Variants in ERCC6L2 observed in about 807,000 individuals in gnomAD.
The protein encoded by ERCC6L2 is ERCC excision repair 6 like 2.
In ERCC6L2, 77 loss-of-function variants were observed where a neutral mutation model predicts 132.0. The ratio of observed to expected loss-of-function variants is 0.58; its 90% CI spans 0.49 to 0.71. The LOEUF (loss-of-function observed/expected upper bound fraction) is 0.71, where lower values mean the gene tolerates loss of function less well. ERCC6L2 is among the 30% of genes least tolerant of loss of function. ERCC6L2 has a pLI of 0.00. For missense variants in ERCC6L2, 1,542 were observed against 1,837.6 expected, an observed-to-expected ratio of 0.84 and a Z score of 2.94; for synonymous variants, 583 against 632.4, an observed-to-expected ratio of 0.92 and a Z score of 1.17.
At chr9:95,911,697 C>T (rs914209678) in intron 4 of ERCC6L2, among the ~76,000 whole-genome samples, 9 of 152,060 alleles carry the variant, frequency 5.9e-5, no homozygotes, top group Non-Finnish European at 1.0e-4. Flanking sequence ...AGGGGATGAA[C>T]GTGCTATGAA....
At chr9:95,999,146 G>A (rs554808831) in intron 17 of ERCC6L2, among the ~76,000 whole-genome samples, 1 of 152,144 alleles carries the variant, frequency 6.6e-6, no homozygotes, top group Non-Finnish European at 1.5e-5. Flanking sequence ...AGATCACGAA[G>A]TCAGGAGATC....
chr9:95,919,910 T>C (rs1457054691), intron 6 of ERCC6L2, among the ~76,000 whole-genome samples: 11 of 152,188 alleles, frequency 7.2e-5, no homozygotes, highest in African/African-American at 2.7e-4. Context: ...TGCAGATAAG[T>C]GCTTTCAAAC....
intron 4 of ERCC6L2, among the ~76,000 whole-genome samples, chr9:95,907,802 T>C (rs1270863105): frequency 1.3e-5 from 1 of 74,240 alleles, no homozygotes; most frequent in Non-Finnish European, 2.8e-5. Flanking sequence ...TGGGAGTCTG[T>C]TGTGAATATA....
At chr9:95,976,810 G>A (rs1038205906) in intron 16 of ERCC6L2, among the ~76,000 whole-genome samples, 2 of 152,150 alleles carry the variant, frequency 1.3e-5, no homozygotes, top group African/African-American at 4.8e-5. Flanking sequence ...ACAAGTGTCT[G>A]ACTTATTCCC....
intron 2 of ERCC6L2, among the ~76,000 whole-genome samples, chr9:95,890,392 A>G (rs1482710191): frequency 2.0e-5 from 3 of 152,184 alleles, no homozygotes; most frequent in Non-Finnish European, 4.4e-5. Flanking sequence ...AAATATTAAA[A>G]TTTATAGAAA....
intron 19 of ERCC6L2, among the ~76,000 whole-genome samples, chr9:96,037,936 C>T (rs1834538354): frequency 6.6e-6 from 1 of 151,578 alleles, no homozygotes; most frequent in Non-Finnish European, 1.5e-5. Flanking sequence ...TGGATTTGGC[C>T]ATGTGGTGGC....
chr9:95,899,834 T>C (rs1828677506), intron 3 of ERCC6L2, among the ~76,000 whole-genome samples: 1 of 152,164 alleles, frequency 6.6e-6, no homozygotes, highest in East Asian at 1.9e-4. Context: ...CTTAGTGCAA[T>C]GTAAAGTCTA....
chr9:95,923,291 T>G lies in ERCC6L2; in HGVS notation c.1445T>G (p.Val482Gly). Reference protein sequence around the residue: ...ETLIKRICDQVFSRFPDFVQK... With the variant: ...ETLIKRICDQGFSRFPDFVQK... Reference sequence around the variant, plus strand: ...CTTATCAAAAGGATATGTGATCAGGTATTTTCCAGATTCCCAGATTTTGTG... The same window carrying G: ...CTTATCAAAAGGATATGTGATCAGGGATTTTCCAGATTCCCAGATTTTGTG... The change falls in exon 9 of 19, where the codon GTA becomes GGA. Residue 482 changes from valine to glycine, a missense_variant. By Grantham distance (109) the Val-to-Gly change is moderately radical. Coordinates refer to ENST00000653738, the MANE Select transcript of ERCC6L2 (RefSeq NM_020207.7). 1 of 1,613,864 alleles carries G rather than the reference T, an allele frequency of 6.2e-7. No individual in the cohort carries two copies. Among genetic ancestry groups the G allele is most frequent in the Non-Finnish European group, 8.5e-7 (1 of 1,179,844 alleles).
At chr9:96,000,021 T>C (rs960564198) in intron 17 of ERCC6L2, among the ~76,000 whole-genome samples, 23 of 151,898 alleles carry the variant, frequency 1.5e-4, no homozygotes, top group African/African-American at 4.6e-4. Context: ...CCCGAGTAGC[T>C]GGGATTACAG....
intron 2 of ERCC6L2, among the ~76,000 whole-genome samples, chr9:95,882,460 A>C (rs1008568183): frequency 6.6e-6 from 1 of 152,214 alleles, no homozygotes; most frequent in African/African-American, 2.4e-5. Flanking sequence ...ATTTTATACT[A>C]AACGATCACT....
intron 4 of ERCC6L2, among the ~76,000 whole-genome samples, chr9:95,911,217 A>G (rs2132681826): frequency 6.6e-6 from 1 of 152,272 alleles, no homozygotes; most frequent in Middle Eastern, 3.4e-3. Context: ...TTTAACCAAT[A>G]TACTGTACCA....
At chr9:95,922,485 A>G in intron 8 of ERCC6L2, 67 bp downstream of exon 8, 1 of 939,086 alleles carries the variant, frequency 1.1e-6, no homozygotes, top group Non-Finnish European at 1.6e-6. Flanking sequence ...GTTTTAAAAT[A>G]GTTATTAAAT....
intron 13 of ERCC6L2, among the ~76,000 whole-genome samples, chr9:95,956,264 A>G (rs1287886512): frequency 6.6e-6 from 1 of 152,172 alleles, no homozygotes; most frequent in African/African-American, 2.4e-5. Context: ...GGATCTTGTC[A>G]AAATACTGAT....
chr9:95,878,953 C>T (rs62559052), intron 1 of ERCC6L2, among the ~76,000 whole-genome samples: 13 of 152,030 alleles, frequency 8.6e-5, no homozygotes, highest in Non-Finnish European at 1.5e-4. Flanking sequence ...TGAATAGTGC[C>T]GCAATAAACA....
chr9:96,033,592 T>A (rs1834487835), intron 19 of ERCC6L2, among the ~76,000 whole-genome samples: 1 of 152,148 alleles, frequency 6.6e-6, no homozygotes, highest in Non-Finnish European at 1.5e-5. Flanking sequence ...ATAACAGAGG[T>A]TTTTTGCTGT....
chr9:95,902,023 T>C (rs1400647406), intron 3 of ERCC6L2, among the ~76,000 whole-genome samples: 1 of 152,216 alleles, frequency 6.6e-6, no homozygotes, highest in African/African-American at 2.4e-5. Flanking sequence ...AAATTAATGT[T>C]GAAGCTTGTT....
At chr9:95,960,134 T>A (rs1349623470) in intron 13 of ERCC6L2, among the ~76,000 whole-genome samples, 2 of 151,992 alleles carry the variant, frequency 1.3e-5, no homozygotes, top group Non-Finnish European at 2.9e-5. Context: ...AAGACAGAGC[T>A]CCAAATTTTT....
chr9:95,932,671 T>A (rs932414871), intron 11 of ERCC6L2, among the ~76,000 whole-genome samples: 11 of 152,174 alleles, frequency 7.2e-5, no homozygotes, highest in African/African-American at 2.7e-4. Context: ...GATACTTCGT[T>A]TGACCTTTTA....
At chr9:95,970,546 T>C in intron 14 of ERCC6L2, 30 bp from the exon 15 acceptor site, 1 of 1,270,376 alleles carries the variant, frequency 7.9e-7, no homozygotes, top group Non-Finnish European at 1.0e-6. Flanking sequence ...GTTGCATAGC[T>C]ATTTGCATTC....
Sources: gnomAD v4.1 joint callset for allele counts (sites outside exome capture counted in the v4.1 genomes callset) on GRCh38, gnomAD v4.1.1 for gene constraint, MANE v1.5 for transcripts, NCBI Gene and HGNC (gene_info 2026-07-23, HGNC 2026-07-21) for gene names.